The following FAM193B variants were observed in gnomAD, a reference collection of about 807,000 sequenced individuals.
FAM193B encodes the protein protein FAM193B.
FAM193B carries 27 observed loss-of-function variants against 70.7 expected under a neutral mutation model. That is an observed-to-expected ratio of 0.38 (90% CI 0.28 to 0.53). The LOEUF is 0.53. FAM193B is among the 20% of genes least tolerant of loss of function. The pLI, the probability that FAM193B is intolerant of heterozygous loss-of-function variation, is 0.81. For missense variants in FAM193B, 1,022 were observed against 1,072.5 expected (o/e 0.95, Z 0.66); for synonymous variants, 448 against 436.0 (o/e 1.03, Z -0.34).
chr5:177,547,313 T>C (rs1765575201), intron 1 of FAM193B: 1 of 46,940 alleles, frequency 2.1e-5, no homozygotes, highest in South Asian at 7.0e-4. Context: ...GAGACGGAGT[T>C]TCGCTCTGTC....
chr5:177,546,830 CT>C (rs906497339), intron 1 of FAM193B, among the ~76,000 whole-genome samples: 1 of 152,190 alleles, frequency 6.6e-6, no homozygotes, highest in African/African-American at 2.4e-5. Context: ...CTAAAACTTT[CT>C]GTTTTAATAT....
rs114072847 is a variant in FAM193B at position 177,546,422 on chromosome 5, G to A, written c.211-7275C>T. ...AGGCTTGGCTTGGGCCTGACACATT[G>A]CAGGCATTCACTGAATAAATAAATG... On this transcript the variant is annotated intron_variant, in intron 1 of 8. Transcript: ENST00000514747. 6.2e-3 allele frequency among the ~76,000 whole-genome samples: 942 copies of A among 152,346 alleles called. 11 individuals carry two copies. The highest frequency in any genetic ancestry group is 0.022 in the African/African-American group (917 of 41,578).
At chr5:177,548,919 A>G (rs1765812852) in intron 1 of FAM193B, among the ~76,000 whole-genome samples, 1 of 151,858 alleles carries the variant, frequency 6.6e-6, no homozygotes, top group African/African-American at 2.4e-5. Context: ...ATCTCTCCCG[A>G]CTCTCCAAAT....
chr5:177,549,162 A>G (rs1561788565), intron 1 of FAM193B, among the ~76,000 whole-genome samples: 3 of 149,100 alleles, frequency 2.0e-5, no homozygotes, highest in African/African-American at 7.4e-5. Flanking sequence ...CCTAACATTA[A>G]CCATGTAAGA....
chr5:177,531,536 G>GGGGGGGGGGGGGGGGT, intron 5 of FAM193B: 8 of 1,046,976 alleles, frequency 7.6e-6, no homozygotes, highest in East Asian at 5.7e-5. Flanking sequence ...GGGTGGGGGG[G>GGGGGGGGGGGGGGGGT]AGGTGCTGAC....
rs543681398 is a variant in FAM193B, at chr5:177,536,530, G to A, written c.904C>T (p.His302Tyr). 1.9e-6 allele frequency: 3 copies of A among 1,540,358 alleles called. No homozygotes were observed. The highest frequency in any genetic ancestry group is 2.5e-5 in the South Asian group (2 of 80,188). ...GAGCTCTGACATGGCCCTGGAGTGT[G>A]GGGGGCAGTGGCAGCAGCAACAGGG... ...ECPVAAATAP[H>Y]TPGPCQSSHL... is the part of the protein sequence containing the mutation. Residue 302 changes from histidine (H) to tyrosine (Y), a missense_variant, in exon 4 of 9, where the codon CAC becomes TAC. Coordinates refer to ENST00000514747, the MANE Select transcript of FAM193B (RefSeq NM_001190946.3).
chr5:177,545,471 A>T (rs1463094527), intron 1 of FAM193B, among the ~76,000 whole-genome samples: 1 of 152,202 alleles, frequency 6.6e-6, no homozygotes, highest in Non-Finnish European at 1.5e-5. Context: ...CAGCTTTAAT[A>T]TTTAATTTGG....
rs1208467057 is a variant in FAM193B at position 177,554,536 on chromosome 5, G to GCCGCCGCCGCCGCCGCCGCCGCCGC, written c.-79_-78insGCGGCGGCGGCGGCGGCGGCGGCGG. 4 of 883,820 alleles carry GCCGCCGCCGCCGCCGCCGCCGCCGC rather than the reference G, an allele frequency of 4.5e-6. No homozygotes were observed. The highest frequency in any genetic ancestry group is 6.0e-5 in the Admixed American group (1 of 16,692). 54.7% of individuals were successfully genotyped at this position (883,820 alleles called of 1,614,324 possible). ...CGCCGCCGCCGCCGCCGCCGCTACCGCTCCCCTCACAGGACAACAGCCAAT... is the reference window on the plus strand; with the variant it reads ...CGCCGCCGCCGCCGCCGCCGCTACCGCCGCCGCCGCCGCCGCCGCCGCCGCCTCCCCTCACAGGACAACAGCCAAT... On this transcript the variant is annotated 5_prime_UTR_variant, in exon 1 of 9. Transcript: ENST00000514747.
chr5:177,537,398 T>C (rs1051142382), intron 3 of FAM193B, among the ~76,000 whole-genome samples: 1 of 152,204 alleles, frequency 6.6e-6, no homozygotes, highest in Non-Finnish European at 1.5e-5. Flanking sequence ...AAAGAAGACT[T>C]ACACAGCTGC....
At position 177,532,943 on chromosome 5, in the gene FAM193B, G is replaced by C. The variant is rs74581127; in HGVS notation, c.1077-302C>G. 6.6e-6 allele frequency among the ~76,000 whole-genome samples: 1 copy of C among 152,184 alleles called. No individual in the cohort carries two copies. The highest frequency in any genetic ancestry group is 6.5e-5 in the Admixed American group (1 of 15,280). ...CACGTCACTCCATCTTCTGCTTATT[G>C]TGCGTCACTGTCATGGTCTGTTTGC... On this transcript the variant is annotated intron_variant, in intron 4 of 8. Coordinates refer to ENST00000514747, the MANE Select transcript of FAM193B (RefSeq NM_001190946.3). This position sits in a 1 kb window ranked among gnomAD's most constrained non-coding sequence, Gnocchi z 4.9.
At position 177,524,619 on chromosome 5, in the gene FAM193B, T is replaced by C. The variant is rs1762300580; in HGVS notation, c.1862A>G (p.Lys621Arg). The C allele has an allele frequency of 1.9e-6, 3 of 1,612,650 alleles. No individual in the cohort carries two copies. The highest frequency in any genetic ancestry group is 2.2e-5 in the East Asian group (1 of 44,870). ...EPSSKEVPSC[K>R]QELPEPVSSG... ...GGACACAGGCTCAGGCAGCTCCTGC[T>C]TGCAACTGGGAACTTCCTTTGAGCT... The change falls in exon 6 of 9, where the codon AAG becomes AGG. Residue 621 changes from lysine to arginine, a missense_variant. Transcript: ENST00000514747.
At chr5:177,521,886 C>G in intron 8 of FAM193B, 88 bp downstream of exon 8, 1 of 1,037,562 alleles carries the variant, frequency 9.6e-7, no homozygotes, top group African/African-American at 1.6e-5. Context: ...TCCCTGTGCC[C>G]CAGAGCACAG....
At chr5:177,529,397 G>C (rs1029598772) in intron 5 of FAM193B, among the ~76,000 whole-genome samples, 1 of 152,008 alleles carries the variant, frequency 6.6e-6, no homozygotes, top group African/African-American at 2.4e-5. Context: ...GACAAGGGAG[G>C]AGGCTGCTGT....
chr5:177,533,333 C>T (rs1763767494), intron 4 of FAM193B, among the ~76,000 whole-genome samples: 1 of 149,362 alleles, frequency 6.7e-6, no homozygotes, highest in South Asian at 2.1e-4. Context: ...GAGACGGAGT[C>T]TTGCTGTGTC....
At chr5:177,523,732 T>G (rs1222196899) in intron 7 of FAM193B, among the ~76,000 whole-genome samples, 2 of 152,236 alleles carry the variant, frequency 1.3e-5, no homozygotes, top group African/African-American at 4.8e-5. Flanking sequence ...CTGACATGCC[T>G]CCTCCTATCT....
intron 5 of FAM193B, chr5:177,531,649 C>A (rs574700927): frequency 4.6e-4 from 391 of 858,898 alleles, no homozygotes; most frequent in Non-Finnish European, 5.7e-4. Context: ...GCCACCAAGG[C>A]CACATGGCTT....
intron 1 of FAM193B, among the ~76,000 whole-genome samples, chr5:177,548,754 G>A (rs1474258656): frequency 6.6e-6 from 1 of 152,190 alleles, no homozygotes; most frequent in African/African-American, 2.4e-5. Context: ...CTCTCCCACT[G>A]AGAATTACTT....
At chr5:177,524,158 C>T (rs771605799) in intron 6 of FAM193B, 27 bp downstream of exon 6, 3 of 1,584,894 alleles carry the variant, frequency 1.9e-6, no homozygotes, top group South Asian at 1.1e-5. Flanking sequence ...GGTAGGGGGT[C>T]AGCCGCTCAG....
chr5:177,534,833 G>A (rs1341980949), intron 4 of FAM193B, among the ~76,000 whole-genome samples: 1 of 152,154 alleles, frequency 6.6e-6, no homozygotes, highest in African/African-American at 2.4e-5. Flanking sequence ...GCCCTTGCTA[G>A]TCTCCAACTC....
Sources: gnomAD v4.1 joint callset for allele counts (sites outside exome capture counted in the v4.1 genomes callset) on GRCh38, gnomAD v4.1.1 for gene constraint, Gnocchi (gnomAD v3.1) non-coding constraint, MANE v1.5 for transcripts, NCBI Gene and HGNC (gene_info 2026-07-23, HGNC 2026-07-21) for gene names.